Variants in PCDHGA3 observed in about 807,000 individuals in gnomAD.
PCDHGA3 encodes the protein protocadherin gamma subfamily A, 3, also known as protocadherin gamma-A3.
Under a neutral mutation model 58.5 loss-of-function variants are expected in PCDHGA3, and 40 were observed. The observed-to-expected ratio is 0.68, with a 90% CI of 0.53 to 0.89. The LOEUF (loss-of-function observed/expected upper bound fraction) is 0.89, where lower values mean the gene tolerates loss of function less well. Among genes scored for constraint, PCDHGA3 ranks in the 40% least tolerant of loss-of-function variants. The pLI is 0.00. For synonymous variants in PCDHGA3, 530 were observed against 525.7 expected (o/e 1.01, Z -0.11); for missense variants, 1,223 against 1,195.9 (o/e 1.02, Z -0.33).
At position 141,431,998 on chromosome 5, in the gene PCDHGA3, A is replaced by G. The variant is rs201105272; in HGVS notation, c.2425-62809A>G. The G allele has an allele frequency of 1.2e-6, 2 of 1,614,176 alleles. No homozygotes were observed. Among genetic ancestry groups the G allele is most frequent in the Admixed American group, 1.7e-5 (1 of 60,030 alleles). On this transcript the variant is annotated intron_variant, in intron 1 of 3. Coordinates refer to ENST00000253812, the MANE Select transcript of PCDHGA3 (RefSeq NM_018916.4). This position sits in a 1 kb window ranked among gnomAD's most constrained non-coding sequence, Gnocchi z 4.8. The stretch of plus-strand genomic sequence containing the variant: ...TCACAGACATAGTCTTGGATAGGGA[A>G]CAGGTTCCTAGCTACAACATCACAG...
chr5:141,491,368 A>G lies in PCDHGA3; in HGVS notation c.2425-3439A>G. ...CAGTCTCTTATCCCTAGTCACCTTC[A>G]CCTTTCTGTCAGCGAAGTGCCTTCA... On this transcript the variant is annotated intron_variant, in intron 1 of 3. Transcript: ENST00000253812. This position sits in a 1 kb window ranked among gnomAD's most constrained non-coding sequence, Gnocchi z 6.9. 6.2e-7 allele frequency: 1 copy of G among 1,613,842 alleles called. No homozygotes were observed. The highest frequency in any genetic ancestry group is 8.5e-7 in the Non-Finnish European group (1 of 1,179,940).
At chr5:141,423,674 C>T (rs57195665) in intron 1 of PCDHGA3, 3 of 1,514,742 alleles carry the variant, frequency 2.0e-6, no homozygotes, top group African/African-American at 1.5e-5. Context: ...AGATTTATTT[C>T]TCTGCCTCCT....
chr5:141,376,266 C>T (rs200515281), intron 1 of PCDHGA3: 171 of 1,614,088 alleles, frequency 1.1e-4, no homozygotes, highest in Non-Finnish European at 1.3e-4. Context: ...CTGCAGGCTT[C>T]GGGAGGTGGC....
At chr5:141,351,629 G>C in intron 1 of PCDHGA3, 1 of 1,614,046 alleles carries the variant, frequency 6.2e-7, no homozygotes, top group Non-Finnish European at 8.5e-7. Context: ...TGTGGTCCAC[G>C]TGTCTGAGAA....
chr5:141,403,577 C>A (rs1188693688), intron 1 of PCDHGA3: 5 of 1,613,812 alleles, frequency 3.1e-6, no homozygotes, highest in Non-Finnish European at 3.4e-6. Context: ...AACTGCCCAC[C>A]ACCTGGTCCT....
In PCDHGA3 at chr5:141,505,466, T is replaced by C. The variant is rs763151131; in HGVS notation, c.2557T>C (p.Leu853=). 1 of 1,614,200 alleles carries C rather than the reference T, an allele frequency of 6.2e-7. No individual in the cohort carries two copies. The highest frequency in any genetic ancestry group is 1.3e-5 in the African/African-American group (1 of 75,068). The part of the protein sequence containing the change: ...FDTEMLQAMI[L]ASASEAADGS... Reference sequence around the variant, plus strand: ...CACAGAGATGCTGCAAGCCATGATCTTGGCGTCCGCCAGTGGTAAGTGGTG... The same window carrying C: ...CACAGAGATGCTGCAAGCCATGATCCTGGCGTCCGCCAGTGGTAAGTGGTG... The change falls in exon 3 of 4, where the codon TTG becomes CTG. Residue 853 remains leucine, a synonymous_variant. Transcript: ENST00000253812.
At chr5:141,457,098 T>G (rs1179930043) in intron 1 of PCDHGA3, among the ~76,000 whole-genome samples, 1 of 152,242 alleles carries the variant, frequency 6.6e-6, no homozygotes, top group Non-Finnish European at 1.5e-5. Flanking sequence ...AGGATACTAA[T>G]TAAGCAAAAT....
intron 1 of PCDHGA3, chr5:141,355,283 C>T: frequency 6.2e-7 from 1 of 1,613,722 alleles, no homozygotes; most frequent in East Asian, 2.2e-5. Flanking sequence ...GAAATCAGGG[C>T]CGAACAGATT....
At chr5:141,481,465 T>C (rs561789315) in intron 1 of PCDHGA3, among the ~76,000 whole-genome samples, 2 of 152,334 alleles carry the variant, frequency 1.3e-5, no homozygotes, top group South Asian at 2.1e-4. Context: ...CTGAAAACCA[T>C]TGGATTATAC....
At chr5:141,367,549 T>TAAAA (rs1765228447) in intron 1 of PCDHGA3, 1 of 147,156 alleles carries the variant, frequency 6.8e-6, no homozygotes, top group South Asian at 2.1e-4. Flanking sequence ...AATAAATAAA[T>TAAAA]AAATAAATAA....
chr5:141,498,009 C>A (rs1160103624), intron 2 of PCDHGA3, among the ~76,000 whole-genome samples: 1 of 152,146 alleles, frequency 6.6e-6, no homozygotes, highest in Non-Finnish European at 1.5e-5. Context: ...TTACAGTGCA[C>A]TGAAGGAGAC....
At chr5:141,364,886 A>G (rs1181797677) in intron 1 of PCDHGA3, 2 of 1,614,024 alleles carry the variant, frequency 1.2e-6, no homozygotes. Context: ...GGTAAGCGGA[A>G]CTGATGGACA....
chr5:141,358,322 G>C (rs1185859053), intron 1 of PCDHGA3, among the ~76,000 whole-genome samples: 2 of 152,310 alleles, frequency 1.3e-5, no homozygotes, highest in African/African-American at 4.8e-5. Context: ...TCTTTCTCAT[G>C]AAGCTATTGT....
chr5:141,423,630 T>C, intron 1 of PCDHGA3: 1 of 1,603,994 alleles, frequency 6.2e-7, no homozygotes, highest in Non-Finnish European at 8.5e-7. Flanking sequence ...CAGCTATCAT[T>C]TTAGGCAAAT....
chr5:141,400,254 G>T, intron 1 of PCDHGA3: 1 of 1,613,980 alleles, frequency 6.2e-7, no homozygotes, highest in Non-Finnish European at 8.5e-7. Flanking sequence ...CCGTTGCCTT[G>T]CGCCTGCGAC....
intron 1 of PCDHGA3, among the ~76,000 whole-genome samples, chr5:141,380,589 G>C (rs1372737584): frequency 6.6e-6 from 1 of 152,156 alleles, no homozygotes; most frequent in South Asian, 2.1e-4. Flanking sequence ...GTCTAGTAAA[G>C]ATCTTTAATA....
At chr5:141,475,871 A>G (rs568810142) in intron 1 of PCDHGA3, 17 of 513,152 alleles carry the variant, frequency 3.3e-5, no homozygotes, top group Middle Eastern at 5.1e-4. Context: ...TTCTTCGTGC[A>G]GTTATTGGCT....
In PCDHGA3 at chr5:141,351,104, C is replaced by T. The variant is rs758554557; in HGVS notation, c.2424+4647C>T. ...GATCACCTATGCCTTCCTCAATTCC[C>T]CAATAAGTACCAGCCTCTTCAATCT... On this transcript the variant is annotated intron_variant, in intron 1 of 3. Coordinates refer to ENST00000253812, the MANE Select transcript of PCDHGA3 (RefSeq NM_018916.4). 4.3e-6 allele frequency: 7 copies of T among 1,614,064 alleles called. No homozygotes were observed. The South Asian group carries it at 7.7e-5, about 18-fold the overall frequency.
In PCDHGA3 at chr5:141,344,825, G is replaced by A. The variant is rs777363895; in HGVS notation, c.792G>A (p.Val264=). ...CTGTGGGTACCCGGCTGCTCACGGT[G>A]AATGCCACTGACCCTGACGAGGGAT... ...NVPVGTRLLT[V]NATDPDEGFN... The change falls in exon 1 of 4, where the codon GTG becomes GTA. Residue 264 remains valine (V), a synonymous_variant. Transcript: ENST00000253812. 6.2e-7 allele frequency: 1 copy of A among 1,613,984 alleles called. No individual in the cohort carries two copies. The highest frequency in any genetic ancestry group is 1.1e-5 in the South Asian group (1 of 91,076).
Sources: gnomAD v4.1 joint callset for allele counts (sites outside exome capture counted in the v4.1 genomes callset) on GRCh38, gnomAD v4.1.1 for gene constraint, Gnocchi (gnomAD v3.1) non-coding constraint, MANE v1.5 for transcripts, NCBI Gene and HGNC (gene_info 2026-07-23, HGNC 2026-07-21) for gene names.